HS6ST3: variants seen among roughly 807,000 people sequenced by gnomAD.
HS6ST3 encodes heparan sulfate 6-O-sulfotransferase 3.
HS6ST3 carries 12 observed loss-of-function variants against 36.7 expected under a neutral mutation model. The ratio of observed to expected loss-of-function variants is 0.33; its 90% CI spans 0.21 to 0.53. The LOEUF is 0.53. Ranked by LOEUF, HS6ST3 falls within the 20% of genes least tolerant of loss-of-function variation. The pLI is 0.95. For synonymous variants in HS6ST3, 240 were observed against 257.5 expected (o/e 0.93, Z 0.65); for missense variants, 584 against 640.9 (o/e 0.91, Z 0.96).
chr13:96,443,548 A>AAAG (rs2139481568), intron 1 of HS6ST3, among the ~76,000 whole-genome samples: 1 of 151,602 alleles, frequency 6.6e-6, no homozygotes, highest in East Asian at 1.9e-4. Context: ...AAAAAAAAAA[A>AAAG]AGCAGACTAA....
At chr13:96,360,414 C>A (rs2139435564) in intron 1 of HS6ST3, among the ~76,000 whole-genome samples, 1 of 151,958 alleles carries the variant, frequency 6.6e-6, no homozygotes, top group African/African-American at 2.4e-5. Flanking sequence ...ATGATTAGAC[C>A]TTCAAGCTGG....
rs371472108 is a variant in HS6ST3, at chr13:96,839,272, T to G, written c.*6074T>G. On this transcript the variant is annotated 3_prime_UTR_variant, in exon 2 of 2. Coordinates refer to ENST00000376705, the MANE Select transcript of HS6ST3 (RefSeq NM_153456.4). ...GGGCTTTGATTGCATTATTTCTCTT[T>G]TAATGTATCATTTCAGTGTTGGAAA... is the stretch of plus-strand genomic sequence containing the variant. 2.6e-5 allele frequency: 4 copies of G among 152,358 alleles called. No individual in the cohort carries two copies. Among genetic ancestry groups the G allele is most frequent in the African/African-American group, 7.2e-5 (3 of 41,578 alleles). The allele number at this position is 152,358 out of a possible 1,614,324, so 9.4% of individuals were successfully genotyped here.
chr13:96,130,227 A>G (rs995119036), intron 1 of HS6ST3, among the ~76,000 whole-genome samples: 1 of 152,136 alleles, frequency 6.6e-6, no homozygotes, highest in Non-Finnish European at 1.5e-5. Context: ...GAAGAGTGTT[A>G]AAGGACACAC....
intron 1 of HS6ST3, among the ~76,000 whole-genome samples, chr13:96,293,001 C>G (rs1431330763): frequency 3.9e-5 from 6 of 152,022 alleles, no homozygotes. Flanking sequence ...CCTCTGGTTT[C>G]TCTTTAGAAA....
At chr13:96,203,485 G>A (rs1014772950) in intron 1 of HS6ST3, among the ~76,000 whole-genome samples, 21 of 152,148 alleles carry the variant, frequency 1.4e-4, no homozygotes, top group African/African-American at 4.8e-4. Flanking sequence ...ATGGATTCTG[G>A]GGGGACATAA....
chr13:96,831,096 G>A (rs1053582249), intron 1 of HS6ST3, among the ~76,000 whole-genome samples: 8 of 152,136 alleles, frequency 5.3e-5, no homozygotes, highest in African/African-American at 1.9e-4. Context: ...TTTTAAACCA[G>A]TATTTACTTT....
chr13:96,490,308 G>T (rs1566375874), intron 1 of HS6ST3, among the ~76,000 whole-genome samples: 1 of 152,084 alleles, frequency 6.6e-6, no homozygotes, highest in Non-Finnish European at 1.5e-5. Flanking sequence ...TGTTTTTATG[G>T]TAGTAGGTTC....
In HS6ST3 at chr13:96,282,223, G is replaced by C. The variant is rs560631207; in HGVS notation, c.707+190654G>C. ...AATGTTGGAATGGAGGTGGAAGAAG[G>C]GGGTGACTCTTCTGGAGTCGGTATC... On this transcript the variant is annotated intron_variant, in intron 1 of 1. Coordinates refer to ENST00000376705, the MANE Select transcript of HS6ST3 (RefSeq NM_153456.4). Among the ~76,000 whole-genome samples, 9 of 152,244 alleles carry C rather than the reference G, an allele frequency of 5.9e-5. No individual in the cohort carries two copies. The South Asian group carries it at 1.7e-3, about 28-fold the overall frequency.
intron 1 of HS6ST3, among the ~76,000 whole-genome samples, chr13:96,649,917 A>T (rs2056601844): frequency 6.6e-6 from 1 of 151,782 alleles, no homozygotes; most frequent in African/African-American, 2.4e-5. Context: ...ACTCCCTCTT[A>T]CTTACTCTGC....
chr13:96,219,940 C>T (rs1398877876), intron 1 of HS6ST3, among the ~76,000 whole-genome samples: 2 of 152,174 alleles, frequency 1.3e-5, no homozygotes, highest in African/African-American at 4.8e-5. Flanking sequence ...CCTCGGCCTC[C>T]CAAAGTGTTG....
chr13:96,482,929 C>T (rs1234435252), intron 1 of HS6ST3, among the ~76,000 whole-genome samples: 1 of 152,170 alleles, frequency 6.6e-6, no homozygotes, highest in Non-Finnish European at 1.5e-5. Context: ...TTACTTTTAG[C>T]ATGTCATACA....
chr13:96,706,762 G>T (rs1007115148), intron 1 of HS6ST3, among the ~76,000 whole-genome samples: 1 of 152,088 alleles, frequency 6.6e-6, no homozygotes, highest in African/African-American at 2.4e-5. Context: ...GACAGCTACA[G>T]TAGAGGAGTG....
At chr13:96,179,911 C>T (rs1013667660) in intron 1 of HS6ST3, among the ~76,000 whole-genome samples, 13 of 152,108 alleles carry the variant, frequency 8.5e-5, no homozygotes, top group Non-Finnish European at 1.9e-4. Context: ...CTCACTGCAA[C>T]CTCTGCCTCC....
intron 1 of HS6ST3, among the ~76,000 whole-genome samples, chr13:96,174,697 A>C (rs2054204464): frequency 6.6e-6 from 1 of 152,232 alleles, no homozygotes; most frequent in Non-Finnish European, 1.5e-5. Context: ...TAAAAACTGA[A>C]AACCAATAAG....
chr13:96,427,873 G>C (rs2055595065), intron 1 of HS6ST3, among the ~76,000 whole-genome samples: 1 of 152,138 alleles, frequency 6.6e-6, no homozygotes, highest in African/African-American at 2.4e-5. Context: ...TGAGAGTACT[G>C]ATCAGTTGTG....
chr13:96,522,088 C>T (rs1020295445), intron 1 of HS6ST3, among the ~76,000 whole-genome samples: 14 of 152,244 alleles, frequency 9.2e-5, no homozygotes, highest in African/African-American at 3.4e-4. Context: ...ATCTTTATTT[C>T]TGCCTTCATT....
intron 1 of HS6ST3, among the ~76,000 whole-genome samples, chr13:96,340,999 G>T (rs2055127431): frequency 1.3e-5 from 2 of 152,112 alleles, no homozygotes; most frequent in South Asian, 4.1e-4. Flanking sequence ...TTCCCAAGTA[G>T]TCTTCTACAG....
intron 1 of HS6ST3, among the ~76,000 whole-genome samples, chr13:96,492,688 A>C (rs2055952668): frequency 6.6e-6 from 1 of 152,216 alleles, no homozygotes; most frequent in Non-Finnish European, 1.5e-5. Context: ...GAACTCCTCC[A>C]GGACTTTTAA....
chr13:96,660,819 C>G (rs1031762130), intron 1 of HS6ST3, among the ~76,000 whole-genome samples: 3 of 152,118 alleles, frequency 2.0e-5, no homozygotes, highest in Non-Finnish European at 2.9e-5. Flanking sequence ...CCAGAAGAGA[C>G]TGACATTTGA....
Sources: gnomAD v4.1 joint callset for allele counts (sites outside exome capture counted in the v4.1 genomes callset) on GRCh38, gnomAD v4.1.1 for gene constraint, MANE v1.5 for transcripts, NCBI Gene and HGNC (gene_info 2026-07-23, HGNC 2026-07-21) for gene names.